The following CHRDL1 variants were observed in gnomAD, a reference collection of about 807,000 sequenced individuals.
CHRDL1 encodes chordin-like protein 1.
CHRDL1 carries 19 observed loss-of-function variants against 40.9 expected under a neutral mutation model. The ratio of observed to expected loss-of-function variants is 0.46; its 90% CI spans 0.32 to 0.68. The LOEUF (loss-of-function observed/expected upper bound fraction) is 0.68, where lower values mean the gene tolerates loss of function less well. CHRDL1 is among the 30% of genes least tolerant of loss of function. The pLI, the probability that CHRDL1 is intolerant of heterozygous loss-of-function variation, is 0.03. For missense variants in CHRDL1, 329 were observed against 352.1 expected, an observed-to-expected ratio of 0.93 and a Z score of 0.53; for synonymous variants, 136 against 123.4, an observed-to-expected ratio of 1.10 and a Z score of -0.68.
At chrX:110,786,101 T>A (rs770769692) in intron 2 of CHRDL1, among the ~76,000 whole-genome samples, 2 of 111,989 alleles carry the variant, frequency 1.8e-5, no homozygotes, top group Non-Finnish European at 3.8e-5. Context: ...ACTGCTTGAG[T>A]GGGTTAGAGG....
intron 4 of CHRDL1, among the ~76,000 whole-genome samples, chrX:110,750,716 G>A (rs1055089493): frequency 4.5e-5 from 5 of 111,604 alleles, no homozygotes; most frequent in South Asian, 3.8e-4. Flanking sequence ...AGCTCCCCAC[G>A]GAGGGTCTTG....
chrX:110,772,598 C>T (rs1200358735), intron 2 of CHRDL1, among the ~76,000 whole-genome samples: 2 of 111,948 alleles, frequency 1.8e-5, no homozygotes, highest in East Asian at 2.8e-4. Flanking sequence ...AAGATTGTGC[C>T]ACTGCACTCC....
At position 110,690,051 on chromosome X, in the gene CHRDL1, A is replaced by T. The variant is rs1357803154; in HGVS notation, c.779-1248T>A. Among the ~76,000 whole-genome samples the T allele has an allele frequency of 9.0e-5, 6 of 66,608 alleles. 3 individuals are homozygous for T. Among genetic ancestry groups the T allele is most frequent in the African/African-American group, 4.4e-4 (6 of 13,648 alleles). The allele number at this position is 66,608 out of a possible 115,157, so 57.8% of individuals were successfully genotyped here. A position where few individuals can be genotyped will look rare whatever the true frequency, so the allele number is the denominator to read the frequency against. On this transcript the variant is annotated intron_variant, in intron 8 of 11. Coordinates refer to ENST00000372042, the MANE Select transcript of CHRDL1 (RefSeq NM_001143981.2). ...TATCTATATATATCTATATATATAT[A>T]TATTTTTTTTTTGAGATGGAGTCTC...
At chrX:110,764,258 ATTTATC>A (rs1221736017) in intron 2 of CHRDL1, among the ~76,000 whole-genome samples, 7 of 111,422 alleles carry the variant, frequency 6.3e-5, no homozygotes, top group African/African-American at 2.3e-4. Flanking sequence ...GGTCACAGCT[ATTTATC>A]TTTGTTTTTA....
chrX:110,684,698 T>G (rs148732677), intron 9 of CHRDL1, among the ~76,000 whole-genome samples: 2 of 112,912 alleles, frequency 1.8e-5, no homozygotes, highest in African/African-American at 6.4e-5. Context: ...TGTAACCGTG[T>G]CTTGCACACA....
intron 2 of CHRDL1, 97 bp downstream of exon 2, chrX:110,791,991 G>C: frequency 2.0e-6 from 1 of 491,439 alleles, no homozygotes; most frequent in South Asian, 4.0e-5. Context: ...ATAATGGCAC[G>C]GCCACATTTG....
At chrX:110,786,392 C>A (rs1254016262) in intron 2 of CHRDL1, among the ~76,000 whole-genome samples, 1 of 111,811 alleles carries the variant, frequency 8.9e-6, no homozygotes, top group East Asian at 2.8e-4. Context: ...ATAAAATATT[C>A]TTTGCAATTA....
At chrX:110,769,226 C>A (rs774878408) in intron 2 of CHRDL1, among the ~76,000 whole-genome samples, 121 of 111,939 alleles carry the variant, frequency 1.1e-3, no homozygotes, top group African/African-American at 3.6e-3. Context: ...AGTGGTTTAT[C>A]TTCTAATCCC....
chrX:110,676,444 T>A lies in CHRDL1; in HGVS notation c.1247-83A>T, dbSNP rs1170824679. The stretch of plus-strand genomic sequence containing the variant: ...TTAGGAATAGAACCAATATACCCCA[T>A]GCTTACCCACTTACTCATGGACCTA... On this transcript the variant is annotated intron_variant, in intron 11 of 11. Coordinates refer to ENST00000372042, the MANE Select transcript of CHRDL1 (RefSeq NM_001143981.2). The A allele has an allele frequency of 5.4e-6, 5 of 918,358 alleles. No individual in the cohort carries two copies. In the East Asian group the frequency reaches 1.3e-4, roughly 24 times the overall value. The allele number at this position is 918,358 out of a possible 1,213,427, so 75.7% of individuals were successfully genotyped here.
Position 110,690,076 on chromosome X carries a change from C to T in CHRDL1, c.779-1273G>A, listed in dbSNP as rs1215347286. ...ATATTTTTTTTTTGAGATGGAGTCTCGCTCTGTCGCCCAGACTGGAGTGCA... is the reference window on the plus strand; with the variant it reads ...ATATTTTTTTTTTGAGATGGAGTCTTGCTCTGTCGCCCAGACTGGAGTGCA... On this transcript the variant is annotated intron_variant, in intron 8 of 11. Coordinates refer to ENST00000372042, the MANE Select transcript of CHRDL1 (RefSeq NM_001143981.2). 3.3e-5 allele frequency among the ~76,000 whole-genome samples: 3 copies of T among 91,113 alleles called. 1 individual carries two copies. Among genetic ancestry groups the T allele is most frequent in the Non-Finnish European group, 6.2e-5 (3 of 48,100 alleles). 79.1% of individuals were successfully genotyped at this position (91,113 alleles called of 115,157 possible). A position where few individuals can be genotyped will look rare whatever the true frequency, so the allele number is the denominator to read the frequency against.
intron 6 of CHRDL1, among the ~76,000 whole-genome samples, chrX:110,704,542 T>C (rs1329170206): frequency 9.0e-6 from 1 of 110,873 alleles, no homozygotes; most frequent in Non-Finnish European, 1.9e-5. Context: ...ACAAGAAGGA[T>C]TGAATGAGAC....
chrX:110,776,006 AC>A (rs776866440), intron 2 of CHRDL1, among the ~76,000 whole-genome samples: 1 of 111,811 alleles, frequency 8.9e-6, no homozygotes, highest in East Asian at 2.8e-4. Context: ...ATATGTTCTA[AC>A]AGAATTTTCC....
At chrX:110,746,436 T>C (rs893765252) in intron 4 of CHRDL1, among the ~76,000 whole-genome samples, 2 of 111,684 alleles carry the variant, frequency 1.8e-5, no homozygotes, top group African/African-American at 6.5e-5. Context: ...ATTTTTACCT[T>C]GTCTCTGAGT....
At chrX:110,713,893 G>A (rs1431325031) in intron 6 of CHRDL1, among the ~76,000 whole-genome samples, 2 of 110,948 alleles carry the variant, frequency 1.8e-5, no homozygotes, top group Non-Finnish European at 3.8e-5. Context: ...CCCTTGTCTA[G>A]AGTCCAAGTA....
chrX:110,715,932 A>G (rs2070833103), intron 6 of CHRDL1, among the ~76,000 whole-genome samples: 1 of 112,495 alleles, frequency 8.9e-6, no homozygotes, highest in Non-Finnish European at 1.9e-5. Flanking sequence ...TAACAGCTAC[A>G]CTGTAGTACA....
chrX:110,784,520 T>C (rs1485413490), intron 2 of CHRDL1, among the ~76,000 whole-genome samples: 1 of 109,635 alleles, frequency 9.1e-6, no homozygotes, highest in Non-Finnish European at 1.9e-5. Flanking sequence ...CAAGTGATTC[T>C]CCTGCCTCAG....
intron 2 of CHRDL1, among the ~76,000 whole-genome samples, chrX:110,781,379 C>T (rs2089940166): frequency 9.0e-6 from 1 of 110,989 alleles, no homozygotes; most frequent in African/African-American, 3.3e-5. Context: ...GAGTCTGGGG[C>T]CACTAAAACT....
intron 2 of CHRDL1, among the ~76,000 whole-genome samples, chrX:110,770,508 A>T (rs1028985841): frequency 5.4e-5 from 6 of 111,691 alleles, no homozygotes; most frequent in Non-Finnish European, 5.6e-5. Flanking sequence ...AGGACAAAAT[A>T]AGAAAAAAAA....
intron 4 of CHRDL1, among the ~76,000 whole-genome samples, chrX:110,725,371 T>G (rs1264858538): frequency 8.9e-6 from 1 of 112,243 alleles, no homozygotes; most frequent in African/African-American, 3.2e-5. Flanking sequence ...TGCAATCAGA[T>G]TTTGTAATCC....
Sources: gnomAD v4.1 joint callset for allele counts (sites outside exome capture counted in the v4.1 genomes callset) on GRCh38, gnomAD v4.1.1 for gene constraint, MANE v1.5 for transcripts, NCBI Gene and HGNC (gene_info 2026-07-23, HGNC 2026-07-21) for gene names.